Variants in CHST11 observed in about 807,000 individuals in gnomAD.
The protein encoded by CHST11 is carbohydrate sulfotransferase 11, also known as C4S-1.
CHST11 carries 9 observed loss-of-function variants against 30.4 expected under a neutral mutation model. That is an observed-to-expected ratio of 0.30 (90% CI 0.18 to 0.52). The LOEUF is 0.52. Ranked by LOEUF, CHST11 falls within the 20% of genes least tolerant of loss-of-function variation. The pLI is 0.97. For synonymous variants in CHST11, 152 were observed against 187.8 expected, an observed-to-expected ratio of 0.81 and a Z score of 1.56; for missense variants, 348 against 460.6, an observed-to-expected ratio of 0.76 and a Z score of 2.24.
chr12:104,560,518 TA>T (rs1197876105), intron 1 of CHST11, among the ~76,000 whole-genome samples: 2 of 152,204 alleles, frequency 1.3e-5, no homozygotes, highest in East Asian at 3.9e-4. Context: ...CATCTTGAGA[TA>T]GGGGTGGGAA....
intron 2 of CHST11, among the ~76,000 whole-genome samples, chr12:104,726,334 G>A (rs1188349584): frequency 1.3e-5 from 2 of 152,194 alleles, no homozygotes; most frequent in Non-Finnish European, 2.9e-5. Flanking sequence ...ATCCCCTGGT[G>A]CAGAGTCCAC....
At chr12:104,574,043 G>C in intron 1 of CHST11, among the ~76,000 whole-genome samples, 1 of 152,200 alleles carries the variant, frequency 6.6e-6, no homozygotes, top group Non-Finnish European at 1.5e-5. Flanking sequence ...GTCAACAAGT[G>C]GGCGAAGGAT....
intron 2 of CHST11, among the ~76,000 whole-genome samples, chr12:104,631,145 G>A (rs536134397): frequency 3.3e-5 from 5 of 152,352 alleles, no homozygotes; most frequent in African/African-American, 1.2e-4. Context: ...AAGCAGCACA[G>A]TGAGTCAATG....
intron 1 of CHST11, among the ~76,000 whole-genome samples, chr12:104,540,561 C>T (rs1050047745): frequency 1.3e-5 from 2 of 152,172 alleles, no homozygotes; most frequent in Non-Finnish European, 2.9e-5. Context: ...AAGGGCACAT[C>T]CCCAGTGACC....
intron 2 of CHST11, among the ~76,000 whole-genome samples, chr12:104,679,393 CCTGGAACCAATTCAGGCCCCGGAG>C (rs1008098284): frequency 3.3e-5 from 5 of 152,146 alleles, no homozygotes; most frequent in African/African-American, 1.2e-4. Flanking sequence ...CCCACCGAGG[CCTGGAACCAATTCAGGCCCCGGAG>C]CCTCCGCGTC....
At chr12:104,529,702 G>A (rs1294464333) in intron 1 of CHST11, among the ~76,000 whole-genome samples, 5 of 152,044 alleles carry the variant, frequency 3.3e-5, no homozygotes, top group Admixed American at 2.6e-4. Flanking sequence ...AGCCAGTAAG[G>A]GAAAAGGGGA....
At chr12:104,579,235 C>G (rs750036814) in intron 1 of CHST11, among the ~76,000 whole-genome samples, 3 of 152,214 alleles carry the variant, frequency 2.0e-5, no homozygotes, top group African/African-American at 2.4e-5. Context: ...AATATCTGCT[C>G]TTTCTTTTTA....
chr12:104,530,284 A>G (rs2038169566), intron 1 of CHST11, among the ~76,000 whole-genome samples: 1 of 152,172 alleles, frequency 6.6e-6, no homozygotes, highest in Non-Finnish European at 1.5e-5. Context: ...CATTATAATC[A>G]TCATGATCAT....
chr12:104,465,791 C>T (rs2037451417), intron 1 of CHST11, among the ~76,000 whole-genome samples: 1 of 152,158 alleles, frequency 6.6e-6, no homozygotes, highest in Admixed American at 6.5e-5. Flanking sequence ...CCTTTGTCTC[C>T]CAAATCTCTT....
At chr12:104,619,109 G>A (rs945343580) in intron 2 of CHST11, among the ~76,000 whole-genome samples, 3 of 152,234 alleles carry the variant, frequency 2.0e-5, no homozygotes. Context: ...CACCTGGGTG[G>A]AGGGTCCTGA....
intron 2 of CHST11, among the ~76,000 whole-genome samples, chr12:104,738,143 G>A (rs975752819): frequency 6.6e-6 from 1 of 152,122 alleles, no homozygotes; most frequent in Non-Finnish European, 1.5e-5. Context: ...CCCTGGTCAG[G>A]GGGTGCTGCA....
intron 2 of CHST11, among the ~76,000 whole-genome samples, chr12:104,749,548 C>T (rs113969299): frequency 6.0e-4 from 91 of 152,304 alleles, no homozygotes; most frequent in African/African-American, 2.2e-3. Flanking sequence ...ATCAACAAGT[C>T]CTTTCTTTGT....
chr12:104,585,916 C>T (rs908647623), intron 1 of CHST11, among the ~76,000 whole-genome samples: 7 of 152,074 alleles, frequency 4.6e-5, no homozygotes, highest in African/African-American at 1.7e-4. Context: ...TCTTCCATGG[C>T]CCTCTTCCCT....
intron 1 of CHST11, among the ~76,000 whole-genome samples, chr12:104,565,933 G>A (rs972247689): frequency 9.2e-5 from 14 of 152,206 alleles, no homozygotes; most frequent in African/African-American, 2.9e-4. Context: ...ACCTGCAGGC[G>A]TGTGCTTACC....
At chr12:104,645,813 G>T (rs2039423449) in intron 2 of CHST11, among the ~76,000 whole-genome samples, 1 of 152,194 alleles carries the variant, frequency 6.6e-6, no homozygotes. Flanking sequence ...TGAGTTGACA[G>T]AGCACCACTC....
chr12:104,597,100 C>T (rs1007102377), intron 1 of CHST11, among the ~76,000 whole-genome samples: 5 of 152,182 alleles, frequency 3.3e-5, no homozygotes, highest in African/African-American at 1.2e-4. Flanking sequence ...TTCCTTTGTC[C>T]TGAGCCAGCT....
At chr12:104,515,109 A>G (rs970729005) in intron 1 of CHST11, among the ~76,000 whole-genome samples, 1 of 152,180 alleles carries the variant, frequency 6.6e-6, no homozygotes, top group Admixed American at 6.5e-5. Context: ...TTGTTTTTAC[A>G]TCTTAAAATG....
At chr12:104,726,062 G>A (rs1440535084) in intron 2 of CHST11, among the ~76,000 whole-genome samples, 2 of 152,174 alleles carry the variant, frequency 1.3e-5, no homozygotes, top group Non-Finnish European at 2.9e-5. Context: ...CAAGGCCTAT[G>A]GTGAATAGGC....
chr12:104,716,341 C>T (rs1444196615), intron 2 of CHST11, among the ~76,000 whole-genome samples: 1 of 152,154 alleles, frequency 6.6e-6, no homozygotes, highest in African/African-American at 2.4e-5. Flanking sequence ...CTGAGTCTAC[C>T]CCCACCCAGC....
Sources: gnomAD v4.1 joint callset for allele counts (sites outside exome capture counted in the v4.1 genomes callset) on GRCh38, gnomAD v4.1.1 for gene constraint, MANE v1.5 for transcripts, NCBI Gene and HGNC (gene_info 2026-07-23, HGNC 2026-07-21) for gene names.